Variants in BRWD1 observed in about 807,000 individuals in gnomAD.
BRWD1 encodes the protein bromodomain and WD repeat domain containing 1.
A neutral mutation model predicts 251.2 loss-of-function variants in BRWD1; 82 were observed. The ratio of observed to expected loss-of-function variants is 0.33; its 90% CI spans 0.27 to 0.39. The LOEUF (loss-of-function observed/expected upper bound fraction) is 0.39, where lower values mean the gene tolerates loss of function less well. Ranked by LOEUF, BRWD1 falls within the 10% of genes least tolerant of loss-of-function variation. BRWD1 has a pLI of 1.00. For missense variants in BRWD1, 2,233 were observed against 2,711.6 expected (o/e 0.82, Z 3.92); for synonymous variants, 918 against 902.8 (o/e 1.02, Z -0.30).
At chr21:39,276,339 G>A (rs2836969) in intron 11 of BRWD1, 126 bp from the exon 12 acceptor site, 367,539 of 615,218 alleles carry the variant, frequency 0.6, 110,705 homozygotes, top group Admixed American at 0.69. Context: ...GTGTTGCTTA[G>A]CCCTGTCATT....
intron 26 of BRWD1, among the ~76,000 whole-genome samples, chr21:39,228,862 T>TA (rs537030750): frequency 2.6e-5 from 4 of 151,604 alleles, no homozygotes; most frequent in Admixed American, 6.6e-5. Flanking sequence ...TTCATTTCTT[T>TA]AAAAAAAAAT....
intron 8 of BRWD1, among the ~76,000 whole-genome samples, chr21:39,287,762 A>G (rs932509541): frequency 6.6e-6 from 1 of 152,022 alleles, no homozygotes; most frequent in Non-Finnish European, 1.5e-5. Flanking sequence ...ACTTATCTTC[A>G]TAATTTCTTT....
intron 38 of BRWD1, 99 bp downstream of exon 38, chr21:39,202,226 A>C: frequency 1.2e-6 from 1 of 810,582 alleles, no homozygotes; most frequent in East Asian, 2.7e-5. Context: ...TTTCAGTGTC[A>C]AGGCCACATC....
intron 5 of BRWD1, chr21:39,298,203 T>C: frequency 8.5e-7 from 1 of 1,173,358 alleles, no homozygotes; most frequent in Non-Finnish European, 1.1e-6. Context: ...AAATTCAAGC[T>C]TTTTAGCTTA....
chr21:39,186,307 A>G lies in BRWD1; in HGVS notation c.*9952T>C, dbSNP rs1936633111. Reference sequence around the variant, plus strand: ...ATTCATAGCTTTCATAGAAAAATATATATTCCCTGAATTAGTCATATCAAG... The same window carrying G: ...ATTCATAGCTTTCATAGAAAAATATGTATTCCCTGAATTAGTCATATCAAG... On this transcript the variant is annotated 3_prime_UTR_variant, in exon 41 of 41. Coordinates refer to ENST00000342449, the MANE Select transcript of BRWD1 (RefSeq NM_033656.4). 1.3e-5 allele frequency: 2 copies of G among 152,224 alleles called. No individual in the cohort carries two copies. Among genetic ancestry groups the G allele is most frequent in the South Asian group, 4.1e-4 (2 of 4,832 alleles). 9.4% of individuals were successfully genotyped at this position (152,224 alleles called of 1,614,324 possible). A position where few individuals can be genotyped will look rare whatever the true frequency, so the allele number is the denominator to read the frequency against.
chr21:39,202,387 G>C lies in BRWD1; in HGVS notation c.4523C>G (p.Ser1508Ter). 1 of 1,613,926 alleles carries C rather than the reference G, an allele frequency of 6.2e-7. No homozygotes were observed. The highest frequency in any genetic ancestry group is 8.5e-7 in the Non-Finnish European group (1 of 1,179,868). The change falls in exon 38 of 41, where the codon TCA becomes TGA. Residue 1508 changes from serine (S) to a stop codon, truncating the protein, a stop_gained. Transcript: ENST00000342449. LOFTEE classifies it high-confidence loss of function. ...SGVTSGDSSDSAESSERRKRN... is the reference protein window; with the variant it reads ...SGVTSGDSSD ...TTTCCTCCTTTCTGATGATTCTGCTGAATCTGAAGAGTCACCAGAAGTAAC... is the reference window on the plus strand; with the variant it reads ...TTTCCTCCTTTCTGATGATTCTGCTCAATCTGAAGAGTCACCAGAAGTAAC...
rs759923548 is a variant in BRWD1, at chr21:39,313,309, G to A, written c.50-10C>T. ...ATAAGGAAGTACAGCTCTGCGGGAA[G>A]ACAAGGAGTCAGGTCAAGCCCCGGC... is the stretch of plus-strand genomic sequence containing the variant. On this transcript the variant is annotated splice_polypyrimidine_tract_variant and intron_variant, in intron 1 of 40. Coordinates refer to ENST00000342449, the MANE Select transcript of BRWD1 (RefSeq NM_033656.4). 1.4e-5 allele frequency: 22 copies of A among 1,548,510 alleles called. No individual in the cohort carries two copies. Among genetic ancestry groups the A allele is most frequent in the Non-Finnish European group, 1.8e-5 (20 of 1,138,886 alleles).
At position 39,195,742 on chromosome 21, in the gene BRWD1, GA is replaced by G. The variant is rs35266341; in HGVS notation, c.*516del. On this transcript the variant is annotated 3_prime_UTR_variant, in exon 41 of 41. Coordinates refer to ENST00000342449, the MANE Select transcript of BRWD1 (RefSeq NM_033656.4). ...CATTCTACTCAAGTAGCCAGGGGAA[GA>G]AAAAAAAAAAAGTGGTAGGTACCTC... is the stretch of plus-strand genomic sequence containing the variant. The G allele has an allele frequency of 0.45, 367,198 of 818,638 alleles. 47,161 individuals carry two copies. Among genetic ancestry groups the G allele is most frequent in the Admixed American group, 0.54 (8,371 of 15,646 alleles). 50.7% of individuals were successfully genotyped at this position (818,638 alleles called of 1,614,324 possible).
intron 4 of BRWD1, among the ~76,000 whole-genome samples, chr21:39,305,912 T>C (rs1207084399): frequency 6.6e-6 from 1 of 150,754 alleles, no homozygotes; most frequent in Non-Finnish European, 1.5e-5. Flanking sequence ...CGCCCTCCTG[T>C]AGTCCCAGCT....
chr21:39,195,722 T>C lies in BRWD1; in HGVS notation c.*537A>G. On this transcript the variant is annotated 3_prime_UTR_variant, in exon 41 of 41. Transcript: ENST00000342449. ...TGACCAGATCTGGTATAATGCATTCTACTCAAGTAGCCAGGGGAAGAAAAA... is the reference window on the plus strand; with the variant it reads ...TGACCAGATCTGGTATAATGCATTCCACTCAAGTAGCCAGGGGAAGAAAAA... 1 of 979,274 alleles carries C rather than the reference T, an allele frequency of 1.0e-6. No homozygotes were observed. Among genetic ancestry groups the C allele is most frequent in the Non-Finnish European group, 1.2e-6 (1 of 828,238 alleles). The allele number at this position is 979,274 out of a possible 1,614,324, so 60.7% of individuals were successfully genotyped here. A position where few individuals can be genotyped will look rare whatever the true frequency, so the allele number is the denominator to read the frequency against.
intron 8 of BRWD1, among the ~76,000 whole-genome samples, chr21:39,292,377 C>T (rs117692692): frequency 0.023 from 3,541 of 152,136 alleles, 74 homozygotes; most frequent in Middle Eastern, 0.034. Flanking sequence ...ATTTTCTGTC[C>T]CTAATAACTA....
At chr21:39,255,552 T>C (rs754176330) in intron 19 of BRWD1, 93 bp downstream of exon 19, 13 of 1,048,588 alleles carry the variant, frequency 1.2e-5, no homozygotes, top group South Asian at 1.6e-5. Context: ...TATACAATTA[T>C]TTACACAATT....
At chr21:39,248,758 T>C (rs2034294848) in intron 20 of BRWD1, among the ~76,000 whole-genome samples, 3 of 150,990 alleles carry the variant, frequency 2.0e-5, no homozygotes. Context: ...TATACACTGC[T>C]AGTGAAACTG....
In BRWD1 at chr21:39,298,338, A is replaced by G. The variant is rs1601489596; in HGVS notation, c.349+94T>C. On this transcript the variant is annotated intron_variant, in intron 5 of 40. Coordinates refer to ENST00000342449, the MANE Select transcript of BRWD1 (RefSeq NM_033656.4). ...CCACAGCATGATTTATAGTTACATT[A>G]TCACCTTTCTTCCACAATGCTTACA... is the stretch of plus-strand genomic sequence containing the variant. 4.3e-6 allele frequency: 6 copies of G among 1,399,116 alleles called. No homozygotes were observed. The East Asian group carries it at 1.3e-4, about 30-fold the overall frequency. The allele number at this position is 1,399,116 out of a possible 1,614,324, so 86.7% of individuals were successfully genotyped here.
intron 27 of BRWD1, among the ~76,000 whole-genome samples, chr21:39,225,610 A>G (rs2033351322): frequency 6.6e-6 from 1 of 152,200 alleles, no homozygotes; most frequent in Non-Finnish European, 1.5e-5. Context: ...TTCTCAAGGA[A>G]AGTTTTATAG....
chr21:39,215,215 C>G (rs2032837077), intron 32 of BRWD1, 22 bp downstream of exon 32: 3 of 1,606,976 alleles, frequency 1.9e-6, no homozygotes, highest in African/African-American at 1.3e-5. Flanking sequence ...CACTTTTACA[C>G]AACATCTATG....
intron 25 of BRWD1, among the ~76,000 whole-genome samples, chr21:39,231,062 G>C (rs1373059142): frequency 6.6e-6 from 1 of 152,072 alleles, no homozygotes; most frequent in Non-Finnish European, 1.5e-5. Context: ...TGTATATAAA[G>C]CCTAACTTAT....
At chr21:39,261,186 A>G (rs765460278) in intron 17 of BRWD1, among the ~76,000 whole-genome samples, 15 of 152,166 alleles carry the variant, frequency 9.9e-5, no homozygotes, top group African/African-American at 2.9e-4. Context: ...GATCACACCA[A>G]TGAACTCCAG....
Position 39,200,200 on chromosome 21 carries a change from G to A in BRWD1, c.4753+19C>T, listed in dbSNP as rs377593325. 110 of 1,586,796 alleles carry A rather than the reference G, an allele frequency of 6.9e-5. No individual in the cohort carries two copies. The highest frequency in any genetic ancestry group is 9.1e-5 in the Non-Finnish European group (107 of 1,170,282). On this transcript the variant is annotated intron_variant, in intron 39 of 40. Coordinates refer to ENST00000342449, the MANE Select transcript of BRWD1 (RefSeq NM_033656.4). Reference sequence around the variant, plus strand: ...TTCTTTTGATATACATTCCATAAAAGTACTACTGAGTCTCTTACCAGTTTT... The same window carrying A: ...TTCTTTTGATATACATTCCATAAAAATACTACTGAGTCTCTTACCAGTTTT...
Sources: allele counts gnomAD v4.1 joint callset (sites outside exome capture counted in the v4.1 genomes callset), GRCh38; gene constraint gnomAD v4.1.1; transcripts MANE v1.5; gene names NCBI Gene and HGNC (gene_info 2026-07-23, HGNC 2026-07-21).